Variants in STRIP2 observed in about 807,000 individuals in gnomAD.
STRIP2 encodes the protein striatin interacting protein 2.
Under a neutral mutation model 107.1 loss-of-function variants are expected in STRIP2, and 84 were observed. The observed-to-expected ratio is 0.78, with a 90% CI of 0.66 to 0.94. The LOEUF (loss-of-function observed/expected upper bound fraction) is 0.94, where lower values mean the gene tolerates loss of function less well. Ranked by LOEUF, STRIP2 falls within the 40% of genes least tolerant of loss-of-function variation. The pLI, the probability that STRIP2 is intolerant of heterozygous loss-of-function variation, is 0.00. For synonymous variants in STRIP2, 394 were observed against 400.4 expected (o/e 0.98, Z 0.19); for missense variants, 888 against 1,034.2 (o/e 0.86, Z 1.94).
In STRIP2 at chr7:129,461,682, ACT is replaced by A. The variant is rs571773321; in HGVS notation, c.1477-1281_1477-1280del. On this transcript the variant is annotated intron_variant, in intron 13 of 20. Transcript: ENST00000249344. This position sits in a 1 kb window ranked among gnomAD's most constrained non-coding sequence, Gnocchi z 4.0. ...GAAGATAGTGACCTTGATAAGAACA[ACT>A]CTAAGTGAAGTAGTGGGACTGAAAG... Among the ~76,000 whole-genome samples the A allele has an allele frequency of 1.4e-3, 219 of 152,292 alleles. No homozygotes were observed. Among genetic ancestry groups the A allele is most frequent in the African/African-American group, 5.2e-3 (215 of 41,558 alleles).
chr7:129,465,473 G>A (rs74419155), intron 16 of STRIP2, among the ~76,000 whole-genome samples: 336 of 152,258 alleles, frequency 2.2e-3, no homozygotes, highest in Non-Finnish European at 4.1e-3. Context: ...GGGAAAGATG[G>A]GCATGGTCTG....
Position 129,462,987 on chromosome 7 carries a change from A to T in STRIP2, c.1498A>T (p.Thr500Ser), listed in dbSNP as rs770519813. The T allele has an allele frequency of 6.2e-7, 1 of 1,614,102 alleles. No individual in the cohort carries two copies. Among genetic ancestry groups the T allele is most frequent in the African/African-American group, 1.3e-5 (1 of 75,042 alleles). The change falls in exon 14 of 21, where the codon ACG becomes TCG. Residue 500 changes from threonine to serine, a missense_variant. Coordinates refer to ENST00000249344, the MANE Select transcript of STRIP2 (RefSeq NM_020704.3). Reference protein sequence around the residue: ...MSLGEEVVPETPCEILYQGML... With the variant: ...MSLGEEVVPESPCEILYQGML... ...ATAGGGGGAAGAGGTGGTACCAGAG[A>T]CGCCATGTGAAATCCTCTACCAGGG...
chr7:129,444,902 A>G (rs1196068245), intron 3 of STRIP2, among the ~76,000 whole-genome samples: 1 of 152,234 alleles, frequency 6.6e-6, no homozygotes, highest in Non-Finnish European at 1.5e-5. Context: ...AAATGAAGAT[A>G]TTAATACAAG....
At chr7:129,446,006 A>G (rs1798023591) in intron 3 of STRIP2, among the ~76,000 whole-genome samples, 2 of 152,150 alleles carry the variant, frequency 1.3e-5, no homozygotes, top group African/African-American at 2.4e-5. Context: ...ACCCTGAGGA[A>G]TGGTGCCTTA....
chr7:129,473,715 TTTTA>T (rs1221026073), intron 18 of STRIP2, among the ~76,000 whole-genome samples: 3 of 151,812 alleles, frequency 2.0e-5, no homozygotes, highest in Non-Finnish European at 4.4e-5. Context: ...TATTTTTTAT[TTTTA>T]TTTATTTATT....
At chr7:129,451,860 C>A (rs1279338521) in intron 4 of STRIP2, 113 bp downstream of exon 4, 4 of 1,293,598 alleles carry the variant, frequency 3.1e-6, no homozygotes, top group African/African-American at 2.9e-5. Flanking sequence ...TCTTGCCTCT[C>A]AAGGACAGAT....
chr7:129,473,066 C>T (rs1049961098), intron 18 of STRIP2, among the ~76,000 whole-genome samples: 2 of 151,790 alleles, frequency 1.3e-5, no homozygotes, highest in Admixed American at 6.6e-5. Flanking sequence ...GGATTATAGG[C>T]ATGAGCCACA....
At chr7:129,471,281 G>A (rs1208468195) in intron 18 of STRIP2, among the ~76,000 whole-genome samples, 1 of 152,016 alleles carries the variant, frequency 6.6e-6, no homozygotes, top group Non-Finnish European at 1.5e-5. Context: ...GAAACTGACT[G>A]AACAACAGCC....
chr7:129,460,345 G>A lies in STRIP2; in HGVS notation c.1449G>A (p.Glu483=). Residue 483 remains glutamate (E), a synonymous_variant, in exon 13 of 21, where the codon GAG becomes GAA. Transcript: ENST00000249344. Reference sequence around the variant, plus strand: ...CAGATGTGCAGATCAAGAATGAAGAGGAGCTGGAGAAGTGCCCTATGTCTT... The same window carrying A: ...CAGATGTGCAGATCAAGAATGAAGAAGAGCTGGAGAAGTGCCCTATGTCTT... ...SIADVQIKNE[E]ELEKCPMSLG... is the part of the protein sequence containing the mutation. 1 of 1,614,014 alleles carries A rather than the reference G, an allele frequency of 6.2e-7. No individual in the cohort carries two copies. Among genetic ancestry groups the A allele is most frequent in the East Asian group, 2.2e-5 (1 of 44,868 alleles).
At chr7:129,472,033 C>A (rs1306167361) in intron 18 of STRIP2, among the ~76,000 whole-genome samples, 1 of 151,900 alleles carries the variant, frequency 6.6e-6, no homozygotes, top group Non-Finnish European at 1.5e-5. Flanking sequence ...GCTATTAAAT[C>A]GTTAAAACAA....
In STRIP2 at chr7:129,464,044, A is replaced by C. The variant is rs1236181652; in HGVS notation, c.1552A>C (p.Ile518Leu). 1.2e-6 allele frequency: 2 copies of C among 1,613,132 alleles called. No homozygotes were observed. Among genetic ancestry groups the C allele is most frequent in the Non-Finnish European group, 1.7e-6 (2 of 1,179,574 alleles). Residue 518 changes from isoleucine (I) to leucine (L), a missense_variant and splice_region_variant, in exon 15 of 21, where the codon ATC (isoleucine) becomes CTC (leucine). Physicochemically the swap from Ile to Leu is conservative, Grantham distance 5. Transcript: ENST00000249344. ...GMLYSLPQYM[I>L]ALLKILLAAA... Reference sequence around the variant, plus strand: ...AATTTCTTTATTTTCTACTTCTCAGATCGCTCTGCTTAAGATTCTGCTGGC... The same window carrying C: ...AATTTCTTTATTTTCTACTTCTCAGCTCGCTCTGCTTAAGATTCTGCTGGC...
intron 15 of STRIP2, 151 bp downstream of exon 15, chr7:129,464,292 G>A (rs1302309251): frequency 8.8e-6 from 6 of 682,248 alleles, no homozygotes; most frequent in Non-Finnish European, 1.2e-5. Flanking sequence ...CCCGTACAGG[G>A]CTTTCTGCTT....
chr7:129,453,270 G>T lies in STRIP2; in HGVS notation c.453G>T (p.Trp151Cys). ...ECDSEVDVLHWSRYNCFLLYQ... is the reference protein window; with the variant it reads ...ECDSEVDVLHCSRYNCFLLYQ... Reference sequence around the variant, plus strand: ...ATTCAGAGGTCGATGTGCTACACTGGTCCAGGTACAACTGCTTCCTGCTGT... The same window carrying T: ...ATTCAGAGGTCGATGTGCTACACTGTTCCAGGTACAACTGCTTCCTGCTGT... The change falls in exon 5 of 21, where the codon TGG becomes TGT. Residue 151 changes from tryptophan (W) to cysteine (C), a missense_variant. Trp to Cys is a radical substitution (Grantham distance 215). Transcript: ENST00000249344. 1 of 1,614,116 alleles carries T rather than the reference G, an allele frequency of 6.2e-7. No homozygotes were observed. The highest frequency in any genetic ancestry group is 8.5e-7 in the Non-Finnish European group (1 of 1,180,006).
In STRIP2 at chr7:129,443,943, C is replaced by T. The variant is rs565416239; in HGVS notation, c.200-81C>T. The T allele has an allele frequency of 4.5e-5, 47 of 1,036,382 alleles. 1 individual carries two copies. The South Asian group carries it at 6.0e-4, about 13-fold the overall frequency. The allele number at this position is 1,036,382 out of a possible 1,614,324, so 64.2% of individuals were successfully genotyped here. On this transcript the variant is annotated intron_variant, in intron 2 of 20. Coordinates refer to ENST00000249344, the MANE Select transcript of STRIP2 (RefSeq NM_020704.3). ...CACAGGAATGTGTTGGAAGCTTCAG[C>T]TCTTTCATGCCACCCTCTCTACTTT...
chr7:129,438,783 A>G (rs776956624), intron 1 of STRIP2, among the ~76,000 whole-genome samples: 2 of 152,150 alleles, frequency 1.3e-5, no homozygotes, highest in Non-Finnish European at 2.9e-5. Context: ...CAGGTTCCAT[A>G]ATTTGCTAGA....
intron 17 of STRIP2, among the ~76,000 whole-genome samples, chr7:129,469,453 T>C (rs1296867007): frequency 6.6e-6 from 1 of 152,220 alleles, no homozygotes; most frequent in African/African-American, 2.4e-5. Context: ...TATCTTTGAT[T>C]TCCCACCCCC....
rs1799229311 is a variant in STRIP2 at position 129,485,706 on chromosome 7, G to A, written c.2382G>A (p.Leu794=). ...AGTTTTCACCTGTGGATAACTGCTT[G>A]CAGAGCGTACTGGGGCAGAGGTTGG... ...DSEFSPVDNC[L]QSVLGQRLDL... is the part of the protein sequence containing the mutation. Residue 794 remains leucine, a synonymous_variant, in exon 21 of 21, where the codon TTG becomes TTA. Coordinates refer to ENST00000249344, the MANE Select transcript of STRIP2 (RefSeq NM_020704.3). 1 of 1,614,036 alleles carries A rather than the reference G, an allele frequency of 6.2e-7. No individual in the cohort carries two copies. The highest frequency in any genetic ancestry group is 1.7e-5 in the Admixed American group (1 of 60,004).
intron 3 of STRIP2, among the ~76,000 whole-genome samples, chr7:129,446,396 C>G (rs1798035661): frequency 2.0e-5 from 3 of 152,202 alleles, no homozygotes. Context: ...TTCCAAGTCC[C>G]TGACCATCCA....
At position 129,463,042 on chromosome 7, in the gene STRIP2, T is replaced by C. The variant is rs1279608116; in HGVS notation, c.1551+2T>C. The C allele has an allele frequency of 1.9e-6, 3 of 1,611,840 alleles. No individual in the cohort carries two copies. Among genetic ancestry groups the C allele is most frequent in the South Asian group, 1.1e-5 (1 of 90,864 alleles). On this transcript the variant is annotated splice_donor_variant, in intron 14 of 20. Coordinates refer to ENST00000249344, the MANE Select transcript of STRIP2 (RefSeq NM_020704.3). LOFTEE classifies it high-confidence loss of function. ...CTGTACAGCCTTCCGCAGTATATGG[T>C]AAGGAGATGGCTAGGCCAGAGCTGC... is the stretch of plus-strand genomic sequence containing the variant.
Sources: allele counts gnomAD v4.1 joint callset (sites outside exome capture counted in the v4.1 genomes callset), GRCh38; gene constraint gnomAD v4.1.1; non-coding constraint Gnocchi (gnomAD v3.1); transcripts MANE v1.5; gene names NCBI Gene and HGNC (gene_info 2026-07-23, HGNC 2026-07-21).